APBB2: variants seen among roughly 807,000 people sequenced by gnomAD.
APBB2 encodes the protein amyloid beta precursor protein binding family B member 2.
Under a neutral mutation model 82.5 loss-of-function variants are expected in APBB2, and 38 were observed. The observed-to-expected ratio is 0.46, with a 90% CI of 0.36 to 0.60. The LOEUF is 0.60. APBB2 is among the 20% of genes least tolerant of loss of function. The probability of loss-of-function intolerance (pLI) is 0.00; values close to 1 mark genes in which losing one functional copy is unlikely to be tolerated. For synonymous variants in APBB2, 341 were observed against 368.2 expected, an observed-to-expected ratio of 0.93 and a Z score of 0.85; for missense variants, 772 against 972.3, an observed-to-expected ratio of 0.79 and a Z score of 2.74.
At chr4:41,003,956 G>A (rs1018137635) in intron 6 of APBB2, among the ~76,000 whole-genome samples, 6 of 151,782 alleles carry the variant, frequency 4.0e-5, no homozygotes, top group African/African-American at 1.5e-4. Flanking sequence ...CAGGTGATCC[G>A]CCCACCTTGG....
At chr4:41,072,138 G>C (rs920261728) in intron 3 of APBB2, among the ~76,000 whole-genome samples, 1 of 152,194 alleles carries the variant, frequency 6.6e-6, no homozygotes, top group Non-Finnish European at 1.5e-5. Flanking sequence ...AAGTTACAGA[G>C]CCAGGTCTGA....
chr4:40,918,881 G>C (rs1158562002), intron 10 of APBB2, among the ~76,000 whole-genome samples: 1 of 151,922 alleles, frequency 6.6e-6, no homozygotes, highest in Non-Finnish European at 1.5e-5. Context: ...AGAGTGCTGG[G>C]ATTACAGGCA....
intron 10 of APBB2, among the ~76,000 whole-genome samples, chr4:40,931,485 G>A (rs971799538): frequency 2.6e-5 from 4 of 152,106 alleles, no homozygotes; most frequent in Middle Eastern, 3.2e-3. Flanking sequence ...TGCTAGGCTG[G>A]TCTCAAACTC....
At chr4:41,105,669 G>C (rs1560765308) in intron 2 of APBB2, among the ~76,000 whole-genome samples, 1 of 152,172 alleles carries the variant, frequency 6.6e-6, no homozygotes, top group Admixed American at 6.6e-5. Flanking sequence ...CAGATCACAA[G>C]GTCAGGAGAT....
intron 2 of APBB2, among the ~76,000 whole-genome samples, chr4:41,142,507 T>C (rs1759538905): frequency 6.6e-6 from 1 of 152,210 alleles, no homozygotes. Context: ...CCAAGCAGAC[T>C]GGAGGCTCAC....
chr4:41,060,007 A>ATAG (rs1579656960), intron 4 of APBB2, among the ~76,000 whole-genome samples: 1 of 152,074 alleles, frequency 6.6e-6, no homozygotes, highest in African/African-American at 2.4e-5. Flanking sequence ...AATAATAATA[A>ATAG]CAATAACACT....
At chr4:41,067,359 A>G (rs944202445) in intron 3 of APBB2, among the ~76,000 whole-genome samples, 15 of 151,948 alleles carry the variant, frequency 9.9e-5, no homozygotes, top group African/African-American at 3.6e-4. Context: ...TAGTAAGCTG[A>G]GATCGTGCCA....
rs532441479 is a variant in APBB2 at position 40,887,931 on chromosome 4, C to T, written c.1529+2433G>A. 1.1e-3 allele frequency among the ~76,000 whole-genome samples: 174 copies of T among 152,318 alleles called. 1 individual carries two copies. The highest frequency in any genetic ancestry group is 4.1e-3 in the African/African-American group (169 of 41,572). ...AATGTAACCTAATTCACACTGATTT[C>T]ATCAGGGAGTAGGAAGCTCTTCCTG... is the stretch of plus-strand genomic sequence containing the variant. On this transcript the variant is annotated intron_variant, in intron 12 of 17. Coordinates refer to ENST00000508593, the MANE Select transcript of APBB2 (RefSeq NM_004307.2).
chr4:40,820,406 G>A (rs540311848), intron 17 of APBB2, among the ~76,000 whole-genome samples: 2 of 152,158 alleles, frequency 1.3e-5, no homozygotes, highest in South Asian at 2.1e-4. Context: ...GGCTCATGCC[G>A]GTAATCCCAG....
At chr4:40,937,191 A>AG (rs1412841708) in intron 7 of APBB2, among the ~76,000 whole-genome samples, 1 of 152,230 alleles carries the variant, frequency 6.6e-6, no homozygotes, top group Non-Finnish European at 1.5e-5. Context: ...GACCCAAGAT[A>AG]ATTGTGTCTT....
chr4:41,167,206 C>T (rs1766905137), intron 1 of APBB2, among the ~76,000 whole-genome samples: 1 of 152,204 alleles, frequency 6.6e-6, no homozygotes, highest in Admixed American at 6.5e-5. Flanking sequence ...CTGGAGCATG[C>T]CACCCTCCCA....
intron 2 of APBB2, among the ~76,000 whole-genome samples, chr4:41,133,888 C>A (rs1156334894): frequency 6.6e-6 from 1 of 152,168 alleles, no homozygotes; most frequent in Non-Finnish European, 1.5e-5. Flanking sequence ...CCCCCAGCCA[C>A]CAAAATACCT....
chr4:40,948,376 G>T (rs1257213607), intron 6 of APBB2, among the ~76,000 whole-genome samples: 3 of 152,078 alleles, frequency 2.0e-5, no homozygotes, highest in Admixed American at 6.5e-5. Flanking sequence ...TTGAGTCCAG[G>T]AGTTCGAGAC....
At position 41,014,250 on chromosome 4, in the gene APBB2, T is replaced by C; in HGVS notation, c.168A>G (p.Thr56=). The part of the protein sequence containing the change: ...NELLNAEIKH[T]ETKNSTPPKC... ...TGGGAGGTGTGCTGTTCTTGGTTTC[T>C]GTGTGTTTTATTTCAGCGTTCAACA... The change falls in exon 6 of 18, where the codon ACA becomes ACG. Residue 56 remains threonine (T), a synonymous_variant. Coordinates refer to ENST00000508593, the MANE Select transcript of APBB2 (RefSeq NM_004307.2). 3.1e-6 allele frequency: 5 copies of C among 1,614,246 alleles called. No homozygotes were observed. The highest frequency in any genetic ancestry group is 1.1e-5 in the South Asian group (1 of 91,088).
intron 6 of APBB2, among the ~76,000 whole-genome samples, chr4:40,955,845 G>A (rs1272667931): frequency 1.3e-5 from 2 of 151,830 alleles, no homozygotes; most frequent in Non-Finnish European, 2.9e-5. Flanking sequence ...GCATGATCTC[G>A]GCTCAATGCA....
intron 1 of APBB2, among the ~76,000 whole-genome samples, chr4:41,164,579 T>C (rs960881338): frequency 1.1e-4 from 17 of 152,234 alleles, no homozygotes; most frequent in African/African-American, 4.1e-4. Flanking sequence ...AAGTGTTTAA[T>C]AGATACTTTC....
chr4:41,160,016 A>G (rs907870548), intron 1 of APBB2, among the ~76,000 whole-genome samples: 2 of 148,812 alleles, frequency 1.3e-5, no homozygotes, highest in Admixed American at 6.6e-5. Flanking sequence ...AAGAAGAAGA[A>G]GAAGAAGAAG....
chr4:41,131,085 C>T (rs545419433), intron 2 of APBB2, among the ~76,000 whole-genome samples: 178 of 152,188 alleles, frequency 1.2e-3, no homozygotes, highest in African/African-American at 4.2e-3. Context: ...AATGTGTTTC[C>T]AACACATTAA....
chr4:41,193,246 A>G (rs987772221), intron 1 of APBB2, among the ~76,000 whole-genome samples: 1 of 152,236 alleles, frequency 6.6e-6, no homozygotes, highest in Non-Finnish European at 1.5e-5. Flanking sequence ...ACAGTAAAAT[A>G]GGGAAAAGAT....
Sources: allele counts gnomAD v4.1 joint callset (sites outside exome capture counted in the v4.1 genomes callset), GRCh38; gene constraint gnomAD v4.1.1; transcripts MANE v1.5; gene names NCBI Gene and HGNC (gene_info 2026-07-23, HGNC 2026-07-21).